The following SRD5A1 variants were observed in gnomAD, a reference collection of about 807,000 sequenced individuals.
SRD5A1 encodes the protein steroid 5 alpha-reductase 1.
In SRD5A1, 22 loss-of-function variants were observed where a neutral mutation model predicts 28.2. That is an observed-to-expected ratio of 0.78 (90% confidence interval 0.56 to 1.12). The LOEUF (loss-of-function observed/expected upper bound fraction) is 1.12, where lower values mean the gene tolerates loss of function less well. Ranked by LOEUF, SRD5A1 falls within the 50% of genes most tolerant of loss-of-function variation. SRD5A1 has a pLI of 0.00. For missense variants in SRD5A1, 300 were observed against 346.7 expected (o/e 0.87, Z 1.07); for synonymous variants, 151 against 135.0 (o/e 1.12, Z -0.82).
chr5:6,647,240 A>T (rs983634921), intron 1 of SRD5A1, among the ~76,000 whole-genome samples: 12 of 152,168 alleles, frequency 7.9e-5, no homozygotes, highest in Non-Finnish European at 1.8e-4. Flanking sequence ...TGCTGAGAAG[A>T]GTGTATATTC....
intron 2 of SRD5A1, among the ~76,000 whole-genome samples, chr5:6,655,706 A>T (rs1738811800): frequency 6.6e-6 from 1 of 152,202 alleles, no homozygotes; most frequent in South Asian, 2.1e-4. Context: ...GCATTGCCTC[A>T]TGCAGATTTT....
intron 1 of SRD5A1, among the ~76,000 whole-genome samples, chr5:6,636,936 G>T (rs1207459733): frequency 5.9e-5 from 9 of 152,102 alleles, no homozygotes; most frequent in Admixed American, 5.2e-4. Context: ...GGGGTGGGGG[G>T]ATAGCCATGA....
intron 1 of SRD5A1, 74 bp downstream of exon 1, chr5:6,633,943 G>A (rs1046388028): frequency 2.0e-6 from 3 of 1,514,936 alleles, no homozygotes; most frequent in Non-Finnish European, 2.7e-6. Context: ...CTCACTGCCC[G>A]GTGCCCTCTC....
intron 4 of SRD5A1, among the ~76,000 whole-genome samples, chr5:6,666,742 GA>G (rs1739195695): frequency 6.6e-6 from 1 of 152,120 alleles, no homozygotes; most frequent in Admixed American, 6.5e-5. Context: ...AGAACACCCT[GA>G]CCTCACACAT....
At chr5:6,657,136 T>C (rs1007397659) in intron 3 of SRD5A1, among the ~76,000 whole-genome samples, 4 of 152,246 alleles carry the variant, frequency 2.6e-5, no homozygotes, top group Non-Finnish European at 4.4e-5. Context: ...CTTCCACTTA[T>C]GTTCCTAGAA....
chr5:6,641,681 T>A (rs1375374999), intron 1 of SRD5A1, among the ~76,000 whole-genome samples: 3 of 152,238 alleles, frequency 2.0e-5, no homozygotes, highest in African/African-American at 4.8e-5. Context: ...AAGGCTCGGT[T>A]TCCAGTCCTT....
At chr5:6,637,936 G>A (rs10044539) in intron 1 of SRD5A1, among the ~76,000 whole-genome samples, 55,568 of 152,100 alleles carry the variant, frequency 0.37, 10,337 homozygotes, top group Middle Eastern at 0.49. Context: ...GCTCCTGTGG[G>A]GAGCCTAGCC....
At chr5:6,637,293 C>T (rs1738214064) in intron 1 of SRD5A1, among the ~76,000 whole-genome samples, 1 of 152,154 alleles carries the variant, frequency 6.6e-6, no homozygotes, top group Non-Finnish European at 1.5e-5. Context: ...GCTGCATTTA[C>T]CCTGTTCCCT....
intron 2 of SRD5A1, among the ~76,000 whole-genome samples, chr5:6,655,331 T>A (rs1738799628): frequency 6.6e-6 from 1 of 152,254 alleles, no homozygotes; most frequent in Middle Eastern, 3.2e-3. Flanking sequence ...CTTGATGGAA[T>A]TAATTGATGT....
chr5:6,658,995 T>C (rs1579411316), intron 3 of SRD5A1, among the ~76,000 whole-genome samples: 1 of 151,796 alleles, frequency 6.6e-6, no homozygotes, highest in African/African-American at 2.4e-5. Flanking sequence ...TGCACACCTG[T>C]AGTCCCAGCC....
chr5:6,662,700 GATA>G, intron 3 of SRD5A1, 113 bp from the exon 4 acceptor site: 1 of 1,139,840 alleles, frequency 8.8e-7, no homozygotes, highest in Non-Finnish European at 1.3e-6. Context: ...ATTCTGTAAG[GATA>G]ATATTTTTCC....
intron 1 of SRD5A1, among the ~76,000 whole-genome samples, chr5:6,646,875 C>T (rs760707789): frequency 2.0e-5 from 3 of 152,076 alleles, no homozygotes; most frequent in Admixed American, 6.6e-5. Context: ...GTTAGGGTGT[C>T]GATTTTAGAT....
chr5:6,674,067 G>A lies in SRD5A1; in HGVS notation c.*5799G>A, dbSNP rs1739437237. On this transcript the variant is annotated 3_prime_UTR_variant, in exon 5 of 5. Coordinates refer to ENST00000274192, the MANE Select transcript of SRD5A1 (RefSeq NM_001047.4). ...TCAAAACACATAGAATATACAACAT[G>A]AAGAATGAATGCTAATGTAAACTCT... is the stretch of plus-strand genomic sequence containing the variant. 6.6e-6 allele frequency: 1 copy of A among 151,030 alleles called. No homozygotes were observed. Among genetic ancestry groups the A allele is most frequent in the African/African-American group, 2.5e-5 (1 of 40,652 alleles). 9.4% of individuals were successfully genotyped at this position (151,030 alleles called of 1,614,324 possible).
chr5:6,638,798 C>G lies in SRD5A1; in HGVS notation c.293+4929C>G, dbSNP rs549578853. ...GTTGGCAGCTGTGCAATTTGGCCAT[C>G]ATTTCAAAAGTCTTTTACAGAAGGA... On this transcript the variant is annotated intron_variant, in intron 1 of 4. Coordinates refer to ENST00000274192, the MANE Select transcript of SRD5A1 (RefSeq NM_001047.4). Among the ~76,000 whole-genome samples the G allele has an allele frequency of 1.3e-5, 2 of 152,316 alleles. 1 individual carries two copies. Among genetic ancestry groups the G allele is most frequent in the East Asian group, 3.9e-4 (2 of 5,192 alleles).
intron 2 of SRD5A1, among the ~76,000 whole-genome samples, chr5:6,653,948 T>C (rs921164355): frequency 1.3e-5 from 2 of 152,226 alleles, no homozygotes; most frequent in Non-Finnish European, 2.9e-5. Flanking sequence ...TTGTGTGTTA[T>C]ATTTATTGCC....
chr5:6,655,361 T>C (rs1186968048), intron 2 of SRD5A1, among the ~76,000 whole-genome samples: 1 of 152,184 alleles, frequency 6.6e-6, no homozygotes, highest in African/African-American at 2.4e-5. Flanking sequence ...AACTCTCCTT[T>C]AAGTGATGAA....
rs370357124 is a variant in SRD5A1 at position 6,664,064 on chromosome 5, G to A, written c.713+1098G>A. On this transcript the variant is annotated intron_variant, in intron 4 of 4. Transcript: ENST00000274192. The stretch of plus-strand genomic sequence containing the variant: ...TGCCCTGACATTGGCGCGTGTCCCT[G>A]ACAATAAATGATGGAGACTGGGCTT... Among the ~76,000 whole-genome samples, 178 of 152,200 alleles carry A rather than the reference G, an allele frequency of 1.2e-3. 3 individuals are homozygous for A. Among genetic ancestry groups the A allele is most frequent in the African/African-American group, 4.0e-3 (166 of 41,536 alleles).
At chr5:6,668,128 A>G (rs1739242672) in intron 4 of SRD5A1, 74 bp from the exon 5 acceptor site, 7 of 964,122 alleles carry the variant, frequency 7.3e-6, no homozygotes, top group African/African-American at 1.7e-5. Flanking sequence ...AATGAAAAAT[A>G]TTGTCACTTT....
At position 6,638,703 on chromosome 5, in the gene SRD5A1, T is replaced by C. The variant is rs1029132277; in HGVS notation, c.293+4834T>C. ...TGGAATAATCTGAGAAAAGAAAAAC[T>C]TCTATTCAAAAGTGTAGGATGATGA... is the stretch of plus-strand genomic sequence containing the variant. On this transcript the variant is annotated intron_variant, in intron 1 of 4. Coordinates refer to ENST00000274192, the MANE Select transcript of SRD5A1 (RefSeq NM_001047.4). Among the ~76,000 whole-genome samples, 6 of 152,366 alleles carry C rather than the reference T, an allele frequency of 3.9e-5. No homozygotes were observed. The South Asian group carries it at 8.3e-4, about 21-fold the overall frequency.
Sources: allele counts gnomAD v4.1 joint callset (sites outside exome capture counted in the v4.1 genomes callset), GRCh38; gene constraint gnomAD v4.1.1; transcripts MANE v1.5; gene names NCBI Gene and HGNC (gene_info 2026-07-23, HGNC 2026-07-21).